MAK: variants seen among roughly 807,000 people sequenced by gnomAD.
MAK encodes serine/threonine-protein kinase MAK.
In MAK, 65 loss-of-function variants were observed where a neutral mutation model predicts 82.6. The ratio of observed to expected loss-of-function variants is 0.79; its 90% CI spans 0.64 to 0.97. The LOEUF is 0.97. Ranked by LOEUF, MAK falls within the 50% of genes least tolerant of loss-of-function variation. The pLI, the probability that MAK is intolerant of heterozygous loss-of-function variation, is 0.00. For synonymous variants in MAK, 250 were observed against 274.2 expected (o/e 0.91, Z 0.87); for missense variants, 703 against 780.2 (o/e 0.90, Z 1.18).
chr6:10,796,933 C>G (rs1376953106), intron 8 of MAK, among the ~76,000 whole-genome samples: 1 of 151,804 alleles, frequency 6.6e-6, no homozygotes, highest in Non-Finnish European at 1.5e-5. Flanking sequence ...AATTTATAGA[C>G]ATTGGCTAAA....
intron 7 of MAK, chr6:10,802,302 T>C (rs1391995805): frequency 2.2e-6 from 1 of 458,404 alleles, no homozygotes; most frequent in Non-Finnish European, 3.9e-6. Context: ...CTTTTTTTTG[T>C]TTGTTTTTTT....
chr6:10,785,451 A>G (rs1774453935), intron 10 of MAK, among the ~76,000 whole-genome samples: 1 of 152,152 alleles, frequency 6.6e-6, no homozygotes, highest in Non-Finnish European at 1.5e-5. Flanking sequence ...CCAAGCATCC[A>G]TGGTTTCCAC....
At chr6:10,822,126 A>G (rs1488512610) in intron 2 of MAK, among the ~76,000 whole-genome samples, 31 of 146,024 alleles carry the variant, frequency 2.1e-4, no homozygotes, top group South Asian at 4.5e-4. Context: ...CAGCCTGGGC[A>G]ACAGAGCGAG....
chr6:10,809,288 ACT>A (rs1776736783), intron 5 of MAK, among the ~76,000 whole-genome samples: 1 of 152,218 alleles, frequency 6.6e-6, no homozygotes, highest in African/African-American at 2.4e-5. Context: ...TGAAGGAGGT[ACT>A]GTTATCACTA....
rs550406422 is a variant in MAK, at chr6:10,803,343, A to C, written c.663+377T>G. ...GCAGATCGCTTGAGCTCAAGAGTTC[A>C]AGACCAGCCTGGCCAACATGGTGAA... On this transcript the variant is annotated intron_variant, in intron 7 of 14. Transcript: ENST00000354489. Among the ~76,000 whole-genome samples, 6 of 152,154 alleles carry C rather than the reference A, an allele frequency of 3.9e-5. No individual in the cohort carries two copies. In the East Asian group the frequency reaches 7.7e-4, roughly 20 times the overall value.
At chr6:10,767,512 T>C (rs926150787) in intron 14 of MAK, among the ~76,000 whole-genome samples, 3 of 151,966 alleles carry the variant, frequency 2.0e-5, no homozygotes, top group Non-Finnish European at 2.9e-5. Context: ...TTCTCAAAAC[T>C]TAAAGGGTAG....
At chr6:10,781,644 G>A (rs959618178) in intron 11 of MAK, among the ~76,000 whole-genome samples, 11 of 151,828 alleles carry the variant, frequency 7.2e-5, no homozygotes, top group African/African-American at 2.4e-4. Flanking sequence ...GGCTAGTCTC[G>A]AACTCCTGAC....
rs111281539 is a variant in MAK at position 10,770,148 on chromosome 6, C to T, written c.1755G>A (p.Gln585=). ...CATTGAGAGGTGCTAAGTGGATCCTCTGGCCAGCTGACTGCACTTCTTTTT... is the reference window on the plus strand; with the variant it reads ...CATTGAGAGGTGCTAAGTGGATCCTTTGGCCAGCTGACTGCACTTCTTTTT... ...FLKKEVQSAG[Q]RIHLAPLNAT... Residue 585 remains glutamine, a synonymous_variant, in exon 14 of 15, where the codon CAG becomes CAA. Transcript: ENST00000354489. 1.9e-6 allele frequency: 3 copies of T among 1,614,160 alleles called. No individual in the cohort carries two copies. Among genetic ancestry groups the T allele is most frequent in the Non-Finnish European group, 8.5e-7 (1 of 1,180,030 alleles).
chr6:10,801,885 C>A lies in MAK; in HGVS notation c.831+7G>T. 1 of 1,613,890 alleles carries A rather than the reference C, an allele frequency of 6.2e-7. No individual in the cohort carries two copies. Among genetic ancestry groups the A allele is most frequent in the Non-Finnish European group, 8.5e-7 (1 of 1,179,796 alleles). On this transcript the variant is annotated splice_region_variant and intron_variant, in intron 8 of 14. Transcript: ENST00000354489. ...TTTTAAAGGTCTAACAGGAAGACTC[C>A]TCTTACCTGGCTTGCTGTCGGTCGT...
intron 1 of MAK, among the ~76,000 whole-genome samples, chr6:10,834,701 A>G (rs1288958827): frequency 6.6e-6 from 1 of 152,186 alleles, no homozygotes; most frequent in Non-Finnish European, 1.5e-5. Context: ...AATAACAGAA[A>G]CAGTGAAGGG....
intron 10 of MAK, among the ~76,000 whole-genome samples, chr6:10,791,122 C>G (rs1775041318): frequency 6.6e-6 from 1 of 152,084 alleles, no homozygotes; most frequent in African/African-American, 2.4e-5. Flanking sequence ...CGGACTGACA[C>G]ACTCTCTACA....
chr6:10,768,705 TAATG>T (rs1476377904), intron 14 of MAK, among the ~76,000 whole-genome samples: 2 of 152,232 alleles, frequency 1.3e-5, no homozygotes, highest in East Asian at 3.8e-4. Flanking sequence ...AGCGAAAAGA[TAATG>T]AAGCAATTCT....
chr6:10,816,599 T>C (rs1326254446), intron 4 of MAK, among the ~76,000 whole-genome samples: 2 of 152,166 alleles, frequency 1.3e-5, no homozygotes, highest in Non-Finnish European at 2.9e-5. Context: ...TCCTAATCCA[T>C]CTGCATACAT....
intron 7 of MAK, among the ~76,000 whole-genome samples, chr6:10,802,739 C>T (rs1374084181): frequency 2.0e-5 from 3 of 152,140 alleles, no homozygotes. Context: ...AGATCCTTGT[C>T]GTGTATATTA....
rs979860280 is a variant in MAK at position 10,779,302 on chromosome 6, ATAATT to A, written c.1466-3848_1466-3844del. 1.0e-5 allele frequency: 10 copies of A among 978,374 alleles called. No homozygotes were observed. In the African/African-American group the frequency reaches 1.8e-4, roughly 17 times the overall value. The allele number at this position is 978,374 out of a possible 1,614,324, so 60.6% of individuals were successfully genotyped here. A position where few individuals can be genotyped will look rare whatever the true frequency, so the allele number is the denominator to read the frequency against. Reference sequence around the variant, plus strand: ...ATACTGTATTTGCAACTATCTTGTGATAATTAAAGTACCTAAGGCTTACAGAGTGA... The same window carrying A: ...ATACTGTATTTGCAACTATCTTGTGAAAAGTACCTAAGGCTTACAGAGTGA... On this transcript the variant is annotated intron_variant, in intron 11 of 14. Coordinates refer to ENST00000354489, the MANE Select transcript of MAK (RefSeq NM_001242957.3).
At position 10,815,912 on chromosome 6, in the gene MAK, G is replaced by GTGTGTATATA. The variant is rs1554184483; in HGVS notation, c.278+1937_278+1938insTATATACACA. ...TACTGTATTAGTGTAGCTTTATACA[G>GTGTGTATATA]TATATATATATATATATATATATAT... On this transcript the variant is annotated intron_variant, in intron 4 of 14. Transcript: ENST00000354489. Among the ~76,000 whole-genome samples the GTGTGTATATA allele has an allele frequency of 3.8e-3, 412 of 108,202 alleles. 1 individual carries two copies. Among genetic ancestry groups the GTGTGTATATA allele is most frequent in the African/African-American group, 0.011 (238 of 21,762 alleles). The allele number at this position is 108,202 out of a possible 152,430, so 71.0% of individuals were successfully genotyped here.
chr6:10,808,674 T>A, intron 6 of MAK, 136 bp downstream of exon 6: 1 of 925,542 alleles, frequency 1.1e-6, no homozygotes, highest in South Asian at 1.4e-5. Flanking sequence ...AATCCTTCGC[T>A]TTCTTTAAAG....
At chr6:10,807,334 TCC>T (rs1268648326) in intron 6 of MAK, among the ~76,000 whole-genome samples, 2 of 127,898 alleles carry the variant, frequency 1.6e-5, no homozygotes, top group Admixed American at 8.6e-5. Context: ...ACACATATAT[TCC>T]TTTTTTTTTT....
At chr6:10,804,437 G>A (rs1776253818) in intron 6 of MAK, among the ~76,000 whole-genome samples, 1 of 152,160 alleles carries the variant, frequency 6.6e-6, no homozygotes, top group South Asian at 2.1e-4. Flanking sequence ...CCGCCTCTTG[G>A]GTTCAAGTGA....
Sources: gnomAD v4.1 joint callset for allele counts (sites outside exome capture counted in the v4.1 genomes callset) on GRCh38, gnomAD v4.1.1 for gene constraint, MANE v1.5 for transcripts, NCBI Gene and HGNC (gene_info 2026-07-23, HGNC 2026-07-21) for gene names.